Variants in ALKBH8 observed in about 807,000 individuals in gnomAD.
ALKBH8 encodes the protein tRNA (carboxymethyluridine(34)-5-O)-methyltransferase ALKBH8.
ALKBH8 carries 36 observed loss-of-function variants against 59.8 expected under a neutral mutation model. The observed-to-expected ratio is 0.60, with a 90% CI of 0.46 to 0.79. The LOEUF (loss-of-function observed/expected upper bound fraction) is 0.79. Among genes scored for constraint, ALKBH8 ranks in the 30% least tolerant of loss-of-function variants. ALKBH8 has a pLI of 0.00. For synonymous variants in ALKBH8, 276 were observed against 273.6 expected (o/e 1.01, Z -0.09); for missense variants, 768 against 801.0 (o/e 0.96, Z 0.50).
intron 10 of ALKBH8, among the ~76,000 whole-genome samples, chr11:107,512,979 C>A (rs1862702587): frequency 6.6e-6 from 1 of 152,138 alleles, no homozygotes; most frequent in Non-Finnish European, 1.5e-5. Flanking sequence ...CCATTCTGGA[C>A]ATAGGCTCTG....
In ALKBH8 at chr11:107,517,156, C is replaced by T. The variant is rs139221975; in HGVS notation, c.1287+5143G>A. Reference sequence around the variant, plus strand: ...AAAAAGACATACAAATGGCCAAGTACATGAAACAATGCTGAATATCACTAA... The same window carrying T: ...AAAAAGACATACAAATGGCCAAGTATATGAAACAATGCTGAATATCACTAA... On this transcript the variant is annotated intron_variant, in intron 10 of 11. Coordinates refer to ENST00000428149, the MANE Select transcript of ALKBH8 (RefSeq NM_138775.3). 4.6e-5 allele frequency among the ~76,000 whole-genome samples: 7 copies of T among 152,240 alleles called. No homozygotes were observed. The East Asian group carries it at 1.4e-3, about 29-fold the overall frequency.
At chr11:107,531,718 T>C (rs1367580977) in intron 8 of ALKBH8, among the ~76,000 whole-genome samples, 1 of 152,232 alleles carries the variant, frequency 6.6e-6, no homozygotes, top group Admixed American at 6.5e-5. Context: ...GGCCAACTTT[T>C]TCTGTAAGGG....
intron 4 of ALKBH8, among the ~76,000 whole-genome samples, 185 bp from the exon 5 acceptor site, chr11:107,553,388 TA>T (rs1864575595): frequency 6.6e-6 from 1 of 152,148 alleles, no homozygotes; most frequent in South Asian, 2.1e-4. Flanking sequence ...TCTAAAATTG[TA>T]ACAAACTCTT....
chr11:107,532,370 C>T lies in ALKBH8; in HGVS notation c.808G>A (p.Val270Met). The T allele has an allele frequency of 6.2e-7, 1 of 1,613,662 alleles. No homozygotes were observed. Among genetic ancestry groups the T allele is most frequent in the Non-Finnish European group, 8.5e-7 (1 of 1,179,672 alleles). ...MDFKHPDGIA[V>M]PVMLPRRSLL... ...CTCCGACGAGGCAACATAACTGGCA[C>T]TGCAATGCCATCTGGGTGCTTAAAA... Residue 270 changes from valine to methionine, a missense_variant, in exon 8 of 12, where the codon GTG (valine) becomes ATG (methionine). Val to Met is a conservative substitution (Grantham distance 21). Coordinates refer to ENST00000428149, the MANE Select transcript of ALKBH8 (RefSeq NM_138775.3).
At chr11:107,549,850 CA>C in intron 6 of ALKBH8, 27 bp from the exon 7 acceptor site, 1 of 1,483,300 alleles carries the variant, frequency 6.7e-7, no homozygotes, top group Middle Eastern at 1.7e-4. Flanking sequence ...GACAACACGT[CA>C]CTTCATTTTT....
chr11:107,513,844 A>G (rs749110930), intron 10 of ALKBH8, among the ~76,000 whole-genome samples: 37 of 152,170 alleles, frequency 2.4e-4, no homozygotes, highest in Non-Finnish European at 1.0e-4. Flanking sequence ...AATGCTGAGT[A>G]CACATGGACA....
intron 3 of ALKBH8, among the ~76,000 whole-genome samples, 178 bp from the exon 4 acceptor site, chr11:107,554,156 G>T (rs1471888355): frequency 6.6e-6 from 1 of 152,178 alleles, no homozygotes; most frequent in Admixed American, 6.5e-5. Flanking sequence ...AGATCAAAAT[G>T]ATGGTACACT....
intron 11 of ALKBH8, among the ~76,000 whole-genome samples, chr11:107,507,580 T>A (rs1313084939): frequency 6.6e-6 from 1 of 152,222 alleles, no homozygotes; most frequent in Non-Finnish European, 1.5e-5. Flanking sequence ...AAGTACTTTA[T>A]GTATTGTCTC....
At chr11:107,552,290 T>C (rs1187555033) in intron 5 of ALKBH8, among the ~76,000 whole-genome samples, 1 of 151,938 alleles carries the variant, frequency 6.6e-6, no homozygotes, top group Non-Finnish European at 1.5e-5. Context: ...AAAAAACACA[T>C]CTTCCAAAGT....
At chr11:107,535,091 C>G (rs548392029) in intron 7 of ALKBH8, among the ~76,000 whole-genome samples, 1 of 152,240 alleles carries the variant, frequency 6.6e-6, no homozygotes, top group East Asian at 1.9e-4. Flanking sequence ...TATTTTGTTC[C>G]TTTTTATGGC....
intron 1 of ALKBH8, chr11:107,562,759 TA>T (rs1174769800): frequency 1.3e-5 from 2 of 149,846 alleles, no homozygotes; most frequent in African/African-American, 2.5e-5. Context: ...AGATGAGAGG[TA>T]AAAAAAATAA....
At chr11:107,564,200 A>G (rs1303909683) in intron 1 of ALKBH8, among the ~76,000 whole-genome samples, 1 of 152,130 alleles carries the variant, frequency 6.6e-6, no homozygotes, top group Non-Finnish European at 1.5e-5. Context: ...AAGTTTGGAG[A>G]TTATGCATGC....
Position 107,556,889 on chromosome 11 carries a change from A to G in ALKBH8, c.244T>C (p.Tyr82His). 6.2e-7 allele frequency: 1 copy of G among 1,611,846 alleles called. No homozygotes were observed. The highest frequency in any genetic ancestry group is 1.1e-5 in the South Asian group (1 of 90,790). The stretch of plus-strand genomic sequence containing the variant: ...GTAGTTCTGTATCTTGCAAATGAGT[A>G]CGGCTTGTTAGGTGGCATTAAGAGA... Reference protein sequence around the residue: ...DALLMPPNKPYSFARYRTTEE... With the variant: ...DALLMPPNKPHSFARYRTTEE... The change falls in exon 3 of 12, where the codon TAC (tyrosine) becomes CAC (histidine). Residue 82 changes from tyrosine (Y) to histidine (H), a missense_variant. Tyr to His is a moderately conservative substitution (Grantham distance 83). Coordinates refer to ENST00000428149, the MANE Select transcript of ALKBH8 (RefSeq NM_138775.3).
intron 8 of ALKBH8, among the ~76,000 whole-genome samples, chr11:107,530,108 A>G (rs556578080): frequency 2.0e-4 from 30 of 152,310 alleles, no homozygotes; most frequent in African/African-American, 7.2e-4. Context: ...CCTAATTTTT[A>G]TATGTAGAAA....
At chr11:107,522,017 C>T (rs1236768557) in intron 10 of ALKBH8, among the ~76,000 whole-genome samples, 2 of 151,844 alleles carry the variant, frequency 1.3e-5, no homozygotes, top group Non-Finnish European at 2.9e-5. Flanking sequence ...CTATAAAAAT[C>T]CTTTCTAATC....
Position 107,517,357 on chromosome 11 carries a change from A to G in ALKBH8, c.1287+4942T>C, listed in dbSNP as rs556295977. ...CAGCCACTAGGGAAAACAGTATGGAAGCTTCACAGACATATTAAAAATAGA... is the reference window on the plus strand; with the variant it reads ...CAGCCACTAGGGAAAACAGTATGGAGGCTTCACAGACATATTAAAAATAGA... On this transcript the variant is annotated intron_variant, in intron 10 of 11. Coordinates refer to ENST00000428149, the MANE Select transcript of ALKBH8 (RefSeq NM_138775.3). Among the ~76,000 whole-genome samples, 34 of 152,292 alleles carry G rather than the reference A, an allele frequency of 2.2e-4. No individual in the cohort carries two copies. The South Asian group carries it at 7.1e-3, about 32-fold the overall frequency.
chr11:107,557,199 A>C (rs1247036315), intron 2 of ALKBH8, among the ~76,000 whole-genome samples, 196 bp from the exon 3 acceptor site: 3 of 152,160 alleles, frequency 2.0e-5, no homozygotes, highest in Non-Finnish European at 4.4e-5. Flanking sequence ...AATAAAAAGG[A>C]CTCCTATATT....
At chr11:107,565,367 G>T in intron 1 of ALKBH8, 2 of 593,722 alleles carry the variant, frequency 3.4e-6, no homozygotes, top group South Asian at 2.0e-5. Context: ...ATTGACACAG[G>T]CACCACGTGA....
At chr11:107,548,255 G>A (rs149167107) in intron 7 of ALKBH8, among the ~76,000 whole-genome samples, 154 of 152,312 alleles carry the variant, frequency 1.0e-3, no homozygotes, top group African/African-American at 3.7e-3. Flanking sequence ...GCCTCCATGG[G>A]GAAGGTCTCC....
Sources: allele counts gnomAD v4.1 joint callset (sites outside exome capture counted in the v4.1 genomes callset), GRCh38; gene constraint gnomAD v4.1.1; transcripts MANE v1.5; gene names NCBI Gene and HGNC (gene_info 2026-07-23, HGNC 2026-07-21).